The following ZNF385B variants were observed in gnomAD, a reference collection of about 807,000 sequenced individuals.
ZNF385B encodes the protein zinc finger protein 385B.
Under a neutral mutation model 39.2 loss-of-function variants are expected in ZNF385B, and 23 were observed. The observed-to-expected ratio is 0.59, with a 90% CI of 0.42 to 0.83. The LOEUF is 0.83. ZNF385B is among the 40% of genes least tolerant of loss of function. The pLI, the probability that ZNF385B is intolerant of heterozygous loss-of-function variation, is 0.00. For synonymous variants in ZNF385B, 205 were observed against 222.6 expected (o/e 0.92, Z 0.70); for missense variants, 552 against 598.9 (o/e 0.92, Z 0.82).
intron 1 of ZNF385B, among the ~76,000 whole-genome samples, chr2:179,783,228 G>C (rs1704777474): frequency 1.3e-5 from 2 of 152,132 alleles, no homozygotes; most frequent in Admixed American, 1.3e-4. Flanking sequence ...ACAAGCAATG[G>C]GGAGTAGAGT....
rs1346808450 is a variant in ZNF385B, at chr2:179,792,370, C to CTTTTTTTTTTTTTTTTT, written c.-154-21699_-154-21698insAAAAAAAAAAAAAAAAA. 2.0e-3 allele frequency among the ~76,000 whole-genome samples: 143 copies of CTTTTTTTTTTTTTTTTT among 70,622 alleles called. 13 individuals carry two copies. The highest frequency in any genetic ancestry group is 2.8e-3 in the Non-Finnish European group (103 of 36,684). The allele number at this position is 70,622 out of a possible 152,430, so 46.3% of individuals were successfully genotyped here. Reference sequence around the variant, plus strand: ...CTGAAGAAGTAGGCCATTTCATTTTCTTTTCTTTTTTTTTTTTTTTTGAGA... The same window carrying CTTTTTTTTTTTTTTTTT: ...CTGAAGAAGTAGGCCATTTCATTTTCTTTTTTTTTTTTTTTTTTTTTCTTTTTTTTTTTTTTTTGAGA... On this transcript the variant is annotated intron_variant, in intron 1 of 9. Coordinates refer to ENST00000410066, the MANE Select transcript of ZNF385B (RefSeq NM_152520.6).
At chr2:179,605,674 A>G (rs115606937) in intron 3 of ZNF385B, among the ~76,000 whole-genome samples, 3,802 of 152,314 alleles carry the variant, frequency 0.025, 68 homozygotes, top group Middle Eastern at 0.048. Context: ...AGAAATCATT[A>G]TCTCTTAAGA....
intron 3 of ZNF385B, among the ~76,000 whole-genome samples, chr2:179,686,914 G>T (rs57757097): frequency 1.9e-3 from 283 of 150,040 alleles, no homozygotes; most frequent in African/African-American, 6.5e-3. Flanking sequence ...ACTTTTGTGT[G>T]TGTGTCAATT....
At chr2:179,530,074 C>G (rs749015910) in intron 4 of ZNF385B, among the ~76,000 whole-genome samples, 2 of 151,932 alleles carry the variant, frequency 1.3e-5, no homozygotes, top group Non-Finnish European at 2.9e-5. Context: ...TATTCCATAG[C>G]ACATGTGAAG....
chr2:179,699,189 A>G (rs1253172360), intron 3 of ZNF385B, among the ~76,000 whole-genome samples: 7 of 152,138 alleles, frequency 4.6e-5, no homozygotes, highest in African/African-American at 1.7e-4. Flanking sequence ...GTATATTCAT[A>G]TTGTTATACA....
At position 179,544,945 on chromosome 2, in the gene ZNF385B, A is replaced by G. The variant is rs2060134868; in HGVS notation, c.323T>C (p.Leu108Pro). 1.9e-6 allele frequency: 3 copies of G among 1,613,984 alleles called. No individual in the cohort carries two copies. Among genetic ancestry groups the G allele is most frequent in the Middle Eastern group, 1.6e-4 (1 of 6,062 alleles). The change falls in exon 4 of 10, where the codon CTT becomes CCT. Residue 108 changes from leucine (L) to proline (P), a missense_variant. Transcript: ENST00000410066. Reference sequence around the variant, plus strand: ...GGTAGGTGTGCGCACAAGAGCAGGAAGGGTAGTAGTGTGGCATGTACTGCC... The same window carrying G: ...GGTAGGTGTGCGCACAAGAGCAGGAGGGGTAGTAGTGTGGCATGTACTGCC... ...STGSTCHTTT[L>P]PALVRTPTLM... is the part of the protein sequence containing the mutation.
intron 3 of ZNF385B, among the ~76,000 whole-genome samples, chr2:179,586,625 C>A (rs1411451633): frequency 6.6e-6 from 1 of 152,164 alleles, no homozygotes; most frequent in African/African-American, 2.4e-5. Context: ...CAGGGCCCAG[C>A]TCTGTAGGTT....
chr2:179,518,094 A>G (rs539826461), intron 5 of ZNF385B, among the ~76,000 whole-genome samples: 3 of 152,260 alleles, frequency 2.0e-5, no homozygotes, highest in Admixed American at 2.0e-4. Context: ...ATATTTTCTG[A>G]TATTCAAGCA....
intron 3 of ZNF385B, among the ~76,000 whole-genome samples, chr2:179,736,578 C>T (rs1435745063): frequency 3.3e-5 from 5 of 152,254 alleles, no homozygotes; most frequent in Middle Eastern, 3.4e-3. Context: ...GTGATAATAA[C>T]GTTAACATCA....
At chr2:179,607,607 G>C (rs1401228540) in intron 3 of ZNF385B, among the ~76,000 whole-genome samples, 1 of 152,124 alleles carries the variant, frequency 6.6e-6, no homozygotes, top group Non-Finnish European at 1.5e-5. Context: ...TGGAGATAGA[G>C]GAGGAGCTAA....
intron 3 of ZNF385B, among the ~76,000 whole-genome samples, chr2:179,677,836 A>AT (rs201604252): frequency 1.8e-4 from 27 of 151,880 alleles, no homozygotes; most frequent in Non-Finnish European, 2.6e-4. Context: ...ACCATTTGAG[A>AT]TTTTTTTTAC....
At chr2:179,566,522 C>T (rs1684596167) in intron 3 of ZNF385B, among the ~76,000 whole-genome samples, 1 of 152,114 alleles carries the variant, frequency 6.6e-6, no homozygotes, top group African/African-American at 2.4e-5. Context: ...AAAGCCATAA[C>T]CTGAAGCCAA....
chr2:179,553,436 T>C (rs1426931383), intron 3 of ZNF385B, among the ~76,000 whole-genome samples: 1 of 149,278 alleles, frequency 6.7e-6, no homozygotes, highest in Non-Finnish European at 1.5e-5. Flanking sequence ...AAAATAATAA[T>C]AACAACTGCT....
At chr2:179,774,233 G>C (rs2106512049) in intron 1 of ZNF385B, among the ~76,000 whole-genome samples, 1 of 151,810 alleles carries the variant, frequency 6.6e-6, no homozygotes, top group Non-Finnish European at 1.5e-5. Flanking sequence ...GAGTGTAGGG[G>C]ATATGTGGGT....
intron 3 of ZNF385B, among the ~76,000 whole-genome samples, chr2:179,545,784 T>C (rs1574721383): frequency 6.6e-6 from 1 of 152,316 alleles, no homozygotes; most frequent in Non-Finnish European, 1.5e-5. Flanking sequence ...AATAGGTACC[T>C]ACATTTATGA....
Position 179,800,002 on chromosome 2 carries a change from C to T in ZNF385B, c.-154-29330G>A, listed in dbSNP as rs145800300. On this transcript the variant is annotated intron_variant, in intron 1 of 9. Coordinates refer to ENST00000410066, the MANE Select transcript of ZNF385B (RefSeq NM_152520.6). ...ATGCTTCAGAATTTTGATCTGACAT[C>T]CAAGAGCTAAAACTCTAAAAGCAGA... Among the ~76,000 whole-genome samples the T allele has an allele frequency of 1.1e-4, 17 of 152,162 alleles. No individual in the cohort carries two copies. In the East Asian group the frequency reaches 3.3e-3, roughly 29 times the overall value.
chr2:179,540,722 C>T lies in ZNF385B; in HGVS notation c.441+4105G>A, dbSNP rs185305471. ...AAATGAATAAGATAGAGCCCCTGTC[C>T]TCAAGGATCTGATGTTCTAGTGAAG... On this transcript the variant is annotated intron_variant, in intron 4 of 9. Coordinates refer to ENST00000410066, the MANE Select transcript of ZNF385B (RefSeq NM_152520.6). Among the ~76,000 whole-genome samples, 70 of 152,206 alleles carry T rather than the reference C, an allele frequency of 4.6e-4. No individual in the cohort carries two copies. In the East Asian group the frequency reaches 0.013, roughly 28 times the overall value.
At chr2:179,626,638 T>C (rs909554569) in intron 3 of ZNF385B, among the ~76,000 whole-genome samples, 3 of 152,142 alleles carry the variant, frequency 2.0e-5, no homozygotes, top group Non-Finnish European at 4.4e-5. Context: ...CTGAAAAACA[T>C]TTGTATATGC....
At chr2:179,739,507 T>C (rs193274294) in intron 3 of ZNF385B, among the ~76,000 whole-genome samples, 4 of 152,340 alleles carry the variant, frequency 2.6e-5, no homozygotes, top group African/African-American at 7.2e-5. Flanking sequence ...TAATCCCAGT[T>C]TGAGTCTTAG....
Sources: allele counts gnomAD v4.1 joint callset (sites outside exome capture counted in the v4.1 genomes callset), GRCh38; gene constraint gnomAD v4.1.1; transcripts MANE v1.5; gene names NCBI Gene and HGNC (gene_info 2026-07-23, HGNC 2026-07-21).